TEX36: variants seen among roughly 807,000 people sequenced by gnomAD.
TEX36 encodes testis expressed 36, also known as testis-expressed protein 36.
TEX36 carries 12 observed loss-of-function variants against 13.6 expected under a neutral mutation model. The ratio of observed to expected loss-of-function variants is 0.88; its 90% CI spans 0.56 to 1.43. The LOEUF (loss-of-function observed/expected upper bound fraction) is 1.43. TEX36 is among the 40% of genes most tolerant of loss of function. The pLI is 0.00. For synonymous variants in TEX36, 93 were observed against 83.0 expected, an observed-to-expected ratio of 1.12 and a Z score of -0.65; for missense variants, 224 against 228.3, an observed-to-expected ratio of 0.98 and a Z score of 0.12.
chr10:125,587,023 T>C (rs564649119), intron 3 of TEX36, among the ~76,000 whole-genome samples: 9 of 152,262 alleles, frequency 5.9e-5, no homozygotes, highest in African/African-American at 1.9e-4. Context: ...CTCTCTCTAT[T>C]TTCCTGTGCC....
At chr10:125,667,537 G>A (rs1251896645) in intron 1 of TEX36, 5 of 736,424 alleles carry the variant, frequency 6.8e-6, no homozygotes, top group Admixed American at 5.2e-5. Flanking sequence ...CATCCTTCTT[G>A]TACTGGGCAC....
intron 3 of TEX36, among the ~76,000 whole-genome samples, chr10:125,588,706 C>T (rs1022675829): frequency 6.6e-6 from 1 of 152,218 alleles, no homozygotes; most frequent in African/African-American, 2.4e-5. Context: ...ACTCCGCCTC[C>T]CGGGTTCAAG....
At chr10:125,656,249 CTTTT>C (rs66461124) in intron 3 of TEX36, 53 bp from the exon 4 acceptor site, 3,366 of 260,920 alleles carry the variant, frequency 0.013, 2 homozygotes, top group African/African-American at 0.032. Context: ...TCACATAGTT[CTTTT>C]TTTTTTTTTT....
chr10:125,594,099 G>A (rs545893259), intron 3 of TEX36, among the ~76,000 whole-genome samples: 4 of 152,244 alleles, frequency 2.6e-5, no homozygotes, highest in South Asian at 2.1e-4. Context: ...CTCCCAAGAC[G>A]TAGAAGGACC....
intron 1 of TEX36, among the ~76,000 whole-genome samples, chr10:125,679,335 CCAT>C (rs1847360561): frequency 6.6e-6 from 1 of 152,134 alleles, no homozygotes; most frequent in African/African-American, 2.4e-5. Context: ...GCCCAAGTTT[CCAT>C]AATGCCTCAG....
In TEX36 at chr10:125,611,444, T is replaced by C. The variant is rs192875422; in HGVS notation, c.265-34570A>G. Among the ~76,000 whole-genome samples the C allele has an allele frequency of 1.2e-3, 188 of 152,342 alleles. 1 individual carries two copies. Among genetic ancestry groups the C allele is most frequent in the African/African-American group, 4.3e-3 (179 of 41,586 alleles). On this transcript the variant is annotated intron_variant, in intron 3 of 3. Transcript: ENST00000532135. The stretch of plus-strand genomic sequence containing the variant: ...ACATGCTATTGTTGTAATCCATGTG[T>C]CTTTGATGACAACAGAAGGCAAATA...
At chr10:125,620,010 TC>T (rs1326006869), downstream of TEX36, among the ~76,000 whole-genome samples, 1 of 152,174 alleles carries the variant, frequency 6.6e-6, no homozygotes, top group African/African-American at 2.4e-5. Context: ...TAATGTTGCA[TC>T]TTGTACCTAA....
intron 3 of TEX36, among the ~76,000 whole-genome samples, chr10:125,631,314 G>C (rs980669562): frequency 6.6e-6 from 1 of 152,088 alleles, no homozygotes; most frequent in African/African-American, 2.4e-5. Flanking sequence ...CGGGTATTTA[G>C]GAACACCAGC....
At chr10:125,593,626 G>T (rs1314509813) in intron 3 of TEX36, among the ~76,000 whole-genome samples, 1 of 152,192 alleles carries the variant, frequency 6.6e-6, no homozygotes, top group East Asian at 1.9e-4. Flanking sequence ...CTTATTAAAT[G>T]TTCAATGAGG....
downstream of TEX36, among the ~76,000 whole-genome samples, chr10:125,653,419 C>T (rs558488084): frequency 1.2e-3 from 172 of 140,708 alleles, 2 homozygotes; most frequent in African/African-American, 4.5e-3. Flanking sequence ...TTCTCACTCA[C>T]AGGTGGGAAT....
intron 3 of TEX36, chr10:125,640,361 G>A (rs373362884): frequency 4.6e-5 from 11 of 238,766 alleles, no homozygotes; most frequent in East Asian, 1.8e-4. Flanking sequence ...TACTCTCTGC[G>A]GAAATCACAC....
intron 3 of TEX36, among the ~76,000 whole-genome samples, chr10:125,622,852 G>A (rs1342612446): frequency 7.2e-5 from 11 of 152,196 alleles, no homozygotes; most frequent in African/African-American, 2.4e-4. Context: ...GAGGCAGGAG[G>A]AGCCCAGAGT....
intron 1 of TEX36, among the ~76,000 whole-genome samples, chr10:125,674,023 G>A (rs1422534818): frequency 1.3e-5 from 2 of 152,082 alleles, no homozygotes; most frequent in African/African-American, 4.8e-5. Flanking sequence ...TTTCCAACTT[G>A]GTTCTGTTCT....
At chr10:125,677,718 A>G (rs760239809) in intron 1 of TEX36, among the ~76,000 whole-genome samples, 12 of 151,712 alleles carry the variant, frequency 7.9e-5, no homozygotes, top group African/African-American at 2.2e-4. Flanking sequence ...GTCTCACTCT[A>G]TTGCCGAGGC....
intron 3 of TEX36, among the ~76,000 whole-genome samples, chr10:125,626,469 G>A (rs938996484): frequency 1.3e-5 from 2 of 152,132 alleles, no homozygotes; most frequent in Non-Finnish European, 2.9e-5. Flanking sequence ...TCCTTTCTTT[G>A]TCTGTGCATT....
chr10:125,673,408 A>C (rs2133609042), intron 1 of TEX36, among the ~76,000 whole-genome samples: 1 of 152,174 alleles, frequency 6.6e-6, no homozygotes, highest in African/African-American at 2.4e-5. Flanking sequence ...TGAGTTGGAA[A>C]TTTTTTGCTT....
chr10:125,628,869 G>A (rs1412103658), intron 3 of TEX36, among the ~76,000 whole-genome samples: 1 of 152,226 alleles, frequency 6.6e-6, no homozygotes, highest in East Asian at 1.9e-4. Flanking sequence ...AGGGGGGACA[G>A]AAGAGTTACT....
At chr10:125,625,955 C>T (rs1426825531) in intron 3 of TEX36, among the ~76,000 whole-genome samples, 1 of 152,208 alleles carries the variant, frequency 6.6e-6, no homozygotes, top group East Asian at 1.9e-4. Flanking sequence ...GCCCAGACCG[C>T]CCCCTGCCAT....
chr10:125,682,300 T>C (rs115206318), intron 1 of TEX36, among the ~76,000 whole-genome samples: 146 of 152,224 alleles, frequency 9.6e-4, no homozygotes, highest in African/African-American at 3.4e-3. Flanking sequence ...ACAGGCTCTG[T>C]AAGTGACATC....
Sources: gnomAD v4.1 joint callset for allele counts (sites outside exome capture counted in the v4.1 genomes callset) on GRCh38, gnomAD v4.1.1 for gene constraint, MANE v1.5 for transcripts, NCBI Gene and HGNC (gene_info 2026-07-23, HGNC 2026-07-21) for gene names.